Variants in ATP10B observed in about 807,000 individuals in gnomAD.
ATP10B encodes phospholipid-transporting ATPase VB.
In ATP10B, 122 loss-of-function variants were observed where a neutral mutation model predicts 141.2. The observed-to-expected ratio is 0.86, with a 90% CI of 0.75 to 1.00. ATP10B has a LOEUF of 1.00. Ranked by LOEUF, ATP10B falls within the 50% of genes least tolerant of loss-of-function variation. ATP10B has a pLI of 0.00. For synonymous variants in ATP10B, 685 were observed against 692.0 expected (o/e 0.99, Z 0.16); for missense variants, 1,876 against 1,825.3 (o/e 1.03, Z -0.51).
At chr5:160,803,712 A>G (rs1772561778) in intron 1 of ATP10B, among the ~76,000 whole-genome samples, 1 of 152,150 alleles carries the variant, frequency 6.6e-6, no homozygotes, top group Admixed American at 6.5e-5. Flanking sequence ...TTACTTGTTC[A>G]AGGTCACATA....
chr5:160,693,607 T>G (rs1279039277), intron 3 of ATP10B, among the ~76,000 whole-genome samples: 2 of 152,178 alleles, frequency 1.3e-5, no homozygotes, highest in Admixed American at 6.5e-5. Context: ...CCTGAGGTGT[T>G]GCATAGAGCA....
At chr5:160,653,592 T>C (rs1485580009) in intron 7 of ATP10B, among the ~76,000 whole-genome samples, 2 of 7,348 alleles carry the variant, frequency 2.7e-4, no homozygotes, top group South Asian at 8.8e-3. Flanking sequence ...CATATATACA[T>C]ATATACATAT....
intron 2 of ATP10B, among the ~76,000 whole-genome samples, chr5:160,769,360 G>A (rs910077314): frequency 5.9e-5 from 9 of 152,148 alleles, no homozygotes; most frequent in Admixed American, 5.9e-4. Flanking sequence ...CCTGGAATTG[G>A]GACGGGGCCC....
At chr5:160,808,592 C>T (rs913020352) in intron 1 of ATP10B, among the ~76,000 whole-genome samples, 1 of 152,178 alleles carries the variant, frequency 6.6e-6, no homozygotes, top group African/African-American at 2.4e-5. Context: ...ACTGGATTGG[C>T]CACATTATTC....
At chr5:160,764,518 T>G (rs943435150) in intron 2 of ATP10B, among the ~76,000 whole-genome samples, 1 of 152,102 alleles carries the variant, frequency 6.6e-6, no homozygotes, top group African/African-American at 2.4e-5. Flanking sequence ...CAGCATCTCT[T>G]TATGATTAAA....
chr5:160,653,431 TGTAC>T (rs1561704122), intron 7 of ATP10B, among the ~76,000 whole-genome samples: 7 of 6,096 alleles, frequency 1.1e-3, no homozygotes, highest in East Asian at 4.5e-3. Flanking sequence ...TATATACATA[TGTAC>T]ATACATACAT....
chr5:160,844,416 T>TA (rs1469314237), intron 1 of ATP10B, among the ~76,000 whole-genome samples: 1 of 152,180 alleles, frequency 6.6e-6, no homozygotes, highest in African/African-American at 2.4e-5. Context: ...ATGAATCTCA[T>TA]AATGAGATTT....
At chr5:160,788,176 T>G (rs972534819) in intron 1 of ATP10B, among the ~76,000 whole-genome samples, 2 of 152,162 alleles carry the variant, frequency 1.3e-5, no homozygotes, top group Non-Finnish European at 2.9e-5. Flanking sequence ...GCTGGTGCTC[T>G]GAGAGTTAGA....
intron 21 of ATP10B, among the ~76,000 whole-genome samples, chr5:160,600,541 A>G (rs1228266232): frequency 6.6e-6 from 1 of 152,242 alleles, no homozygotes; most frequent in East Asian, 1.9e-4. Context: ...TGTTCCCGAC[A>G]TACAGCAGAC....
the ATP10B span, among the ~76,000 whole-genome samples, chr5:160,865,045 T>C: frequency 6.6e-6 from 1 of 151,970 alleles, no homozygotes; most frequent in African/African-American, 2.4e-5. Context: ...AATATCACCA[T>C]CATTCTTCAC....
intron 7 of ATP10B, 78 bp from the exon 8 acceptor site, chr5:160,649,334 C>T: frequency 1.0e-6 from 1 of 989,002 alleles, no homozygotes; most frequent in Non-Finnish European, 1.6e-6. Context: ...GAGCTAATCA[C>T]TGTTAGAACC....
At chr5:160,699,281 ATT>A (rs1200185086) in intron 3 of ATP10B, among the ~76,000 whole-genome samples, 1 of 152,202 alleles carries the variant, frequency 6.6e-6, no homozygotes, top group Non-Finnish European at 1.5e-5. Flanking sequence ...TCACTTAAAA[ATT>A]GTTTTATAGA....
chr5:160,879,711 G>T, the ATP10B span, among the ~76,000 whole-genome samples: 1 of 151,882 alleles, frequency 6.6e-6, no homozygotes, highest in Admixed American at 6.6e-5. Flanking sequence ...GGTAGCGGGC[G>T]CCTGTAGTCC....
chr5:160,640,549 G>T lies in ATP10B; in HGVS notation c.912C>A (p.Tyr304Ter), dbSNP rs371610599. 3 of 1,614,126 alleles carry T rather than the reference G, an allele frequency of 1.9e-6. No homozygotes were observed. Among genetic ancestry groups the T allele is most frequent in the Non-Finnish European group, 2.5e-6 (3 of 1,180,008 alleles). Residue 304 changes from tyrosine (Y) to a stop codon, truncating the protein, a stop_gained, in exon 10 of 26, where the codon TAC becomes TAA. Transcript: ENST00000327245. LOFTEE classifies it high-confidence loss of function. The part of the protein sequence containing the change: ...KAMLNNSGPR[Y>*]KRSKIERRMN... ...TGCGCCGCTCAATCTTGCTGCGTTT[G>T]TACCGGGGGCCACTGTTGTTCAGCA...
chr5:160,837,906 G>A (rs1363948296), intron 1 of ATP10B, among the ~76,000 whole-genome samples: 2 of 152,106 alleles, frequency 1.3e-5, no homozygotes, highest in African/African-American at 4.8e-5. Flanking sequence ...TCTCATAGAA[G>A]TTTGAGCAAA....
At chr5:160,858,326 C>T in the ATP10B span, among the ~76,000 whole-genome samples, 30 of 151,578 alleles carry the variant, frequency 2.0e-4, no homozygotes, top group East Asian at 5.8e-3. Context: ...TATCTTTTTC[C>T]ATCCTTTTAT....
In ATP10B at chr5:160,742,507, A is replaced by C. The variant is rs553130352; in HGVS notation, c.-330-25473T>G. On this transcript the variant is annotated intron_variant, in intron 2 of 25. Transcript: ENST00000327245. ...TCACTCTGGTTGGTGATAAAGAGAC[A>C]ATAGCTATTTTTGGCTATACCTAAG... Among the ~76,000 whole-genome samples, 14 of 152,308 alleles carry C rather than the reference A, an allele frequency of 9.2e-5. No homozygotes were observed. The South Asian group carries it at 2.5e-3, about 27-fold the overall frequency.
At chr5:160,888,875 G>A in the ATP10B span, among the ~76,000 whole-genome samples, 2 of 152,022 alleles carry the variant, frequency 1.3e-5, no homozygotes, top group African/African-American at 4.8e-5. Context: ...GATGTTACTG[G>A]GGATATTGAA....
chr5:160,888,698 G>A, the ATP10B span, among the ~76,000 whole-genome samples: 1 of 152,118 alleles, frequency 6.6e-6, no homozygotes, highest in Non-Finnish European at 1.5e-5. Flanking sequence ...TTTGTTCCTA[G>A]GATTCTGATT....
Sources: allele counts gnomAD v4.1 joint callset (sites outside exome capture counted in the v4.1 genomes callset), GRCh38; gene constraint gnomAD v4.1.1; transcripts MANE v1.5; gene names NCBI Gene and HGNC (gene_info 2026-07-23, HGNC 2026-07-21).